The following ABCA13 variants were observed in gnomAD, a reference collection of about 807,000 sequenced individuals.
ABCA13 encodes the protein ATP-binding cassette sub-family A member 13.
A neutral mutation model predicts 478.7 loss-of-function variants in ABCA13; 476 were observed. The ratio of observed to expected loss-of-function variants is 0.99; its 90% CI spans 0.92 to 1.07. The LOEUF is 1.07. Among genes scored for constraint, ABCA13 ranks in the 50% least tolerant of loss-of-function variants. The probability of loss-of-function intolerance (pLI) is 0.00; values close to 1 mark genes in which losing one functional copy is unlikely to be tolerated. For synonymous variants in ABCA13, 2,252 were observed against 2,158.9 expected, an observed-to-expected ratio of 1.04 and a Z score of -1.20; for missense variants, 6,060 against 5,910.6, an observed-to-expected ratio of 1.03 and a Z score of -0.83.
intron 42 of ABCA13, among the ~76,000 whole-genome samples, chr7:48,446,217 G>C (rs1364792701): frequency 2.0e-5 from 3 of 151,928 alleles, no homozygotes; most frequent in Non-Finnish European, 4.4e-5. Context: ...TTACATTAAG[G>C]AGCACCCCAA....
At chr7:48,380,043 A>T (rs1008338298) in intron 35 of ABCA13, among the ~76,000 whole-genome samples, 4 of 152,214 alleles carry the variant, frequency 2.6e-5, no homozygotes, top group African/African-American at 9.6e-5. Flanking sequence ...TAATAATATA[A>T]GAGGGTTTTA....
At chr7:48,367,738 A>C (rs1811897833) in intron 31 of ABCA13, 56 bp from the exon 32 acceptor site, 1 of 1,368,344 alleles carries the variant, frequency 7.3e-7, no homozygotes, top group African/African-American at 1.4e-5. Context: ...AAATGTAAAA[A>C]ATTAGTAGAG....
intron 55 of ABCA13, among the ~76,000 whole-genome samples, chr7:48,537,717 C>T (rs1833676602): frequency 6.6e-6 from 1 of 152,036 alleles, no homozygotes; most frequent in Non-Finnish European, 1.5e-5. Context: ...GAACAGGTGA[C>T]CAAGGGTGAC....
At chr7:48,626,451 G>A (rs893889645) in intron 59 of ABCA13, among the ~76,000 whole-genome samples, 2 of 152,060 alleles carry the variant, frequency 1.3e-5, no homozygotes, top group African/African-American at 4.8e-5. Flanking sequence ...GGAATCATGC[G>A]GCATAAACTT....
intron 51 of ABCA13, among the ~76,000 whole-genome samples, chr7:48,512,747 C>G (rs1453584483): frequency 1.6e-5 from 1 of 60,806 alleles, no homozygotes; most frequent in East Asian, 5.6e-4. Flanking sequence ...TTGAATTAAA[C>G]TAAGAATTCT....
intron 3 of ABCA13, among the ~76,000 whole-genome samples, chr7:48,214,765 T>A (rs1039283153): frequency 6.6e-6 from 1 of 152,236 alleles, no homozygotes; most frequent in African/African-American, 2.4e-5. Flanking sequence ...GACCTTTCTC[T>A]GGATTAGACT....
chr7:48,327,423 A>G (rs1422591662), intron 27 of ABCA13, among the ~76,000 whole-genome samples: 1 of 152,066 alleles, frequency 6.6e-6, no homozygotes, highest in African/African-American at 2.4e-5. Context: ...ACAATTCAAG[A>G]TGAGATTTGG....
At chr7:48,226,874 C>T (rs1004047791) in intron 5 of ABCA13, among the ~76,000 whole-genome samples, 1 of 152,158 alleles carries the variant, frequency 6.6e-6, no homozygotes, top group African/African-American at 2.4e-5. Context: ...ATTTGAATTA[C>T]TCTCTTTTCT....
chr7:48,348,733 C>T (rs1808482666), intron 29 of ABCA13, among the ~76,000 whole-genome samples: 2 of 152,108 alleles, frequency 1.3e-5, no homozygotes, highest in African/African-American at 4.8e-5. Context: ...TTCATTCTTT[C>T]TGAAATATAG....
Position 48,429,043 on chromosome 7 carries a change from T to C in ABCA13, c.12565+1172T>C, listed in dbSNP as rs1439136356. On this transcript the variant is annotated intron_variant, in intron 42 of 61. Coordinates refer to ENST00000435803, the MANE Select transcript of ABCA13 (RefSeq NM_152701.5). ...ATTTTATATACATGGAATCATAGTA[T>C]GTGTGGCCCTCTGTGACTAGCTTCT... is the stretch of plus-strand genomic sequence containing the variant. Among the ~76,000 whole-genome samples, 16 of 152,242 alleles carry C rather than the reference T, an allele frequency of 1.1e-4. 1 individual carries two copies. The highest frequency in any genetic ancestry group is 2.2e-4 in the Non-Finnish European group (15 of 68,034).
intron 15 of ABCA13, among the ~76,000 whole-genome samples, chr7:48,252,402 T>C (rs143827347): frequency 0.031 from 4,738 of 152,304 alleles, 185 homozygotes; most frequent in Admixed American, 0.1. Flanking sequence ...AATTTTTCCA[T>C]TGTTCAAACA....
At chr7:48,578,597 A>C (rs1788410829) in intron 55 of ABCA13, among the ~76,000 whole-genome samples, 1 of 152,202 alleles carries the variant, frequency 6.6e-6, no homozygotes. Context: ...TGGGGTAGAA[A>C]AACTTAACAT....
intron 55 of ABCA13, among the ~76,000 whole-genome samples, chr7:48,541,592 A>T (rs1230498381): frequency 6.6e-6 from 1 of 152,022 alleles, no homozygotes; most frequent in African/African-American, 2.4e-5. Flanking sequence ...TGGAGCTTTG[A>T]ATCCAAGTTT....
intron 29 of ABCA13, among the ~76,000 whole-genome samples, chr7:48,349,476 T>C (rs1808605280): frequency 6.6e-6 from 1 of 152,186 alleles, no homozygotes; most frequent in African/African-American, 2.4e-5. Flanking sequence ...TGTCAACTGA[T>C]TTTTCTACAG....
chr7:48,368,040 A>C (rs1367519566), intron 32 of ABCA13, 132 bp downstream of exon 32: 3 of 588,452 alleles, frequency 5.1e-6, no homozygotes, highest in Non-Finnish European at 8.9e-6. Context: ...TCTGGTGTAC[A>C]AAATAGCTGA....
At position 48,312,601 on chromosome 7, in the gene ABCA13, G is replaced by A. The variant is rs951551871; in HGVS notation, c.9517-466G>A. Among the ~76,000 whole-genome samples the A allele has an allele frequency of 3.9e-5, 6 of 152,260 alleles. No homozygotes were observed. The East Asian group carries it at 1.2e-3, about 29-fold the overall frequency. On this transcript the variant is annotated intron_variant, in intron 24 of 61. Transcript: ENST00000435803. ...TCAGGAAGACTTTTAATCTCCTCAAGCCCCAGTTTTCTCATCCACAAAACG... is the reference window on the plus strand; with the variant it reads ...TCAGGAAGACTTTTAATCTCCTCAAACCCCAGTTTTCTCATCCACAAAACG...
At chr7:48,471,646 T>C in intron 45 of ABCA13, 47 bp downstream of exon 45, 1 of 1,482,806 alleles carries the variant, frequency 6.7e-7, no homozygotes. Context: ...AAAATTCAAG[T>C]GACAAAAATG....
At chr7:48,280,060 C>T (rs1796828458) in intron 18 of ABCA13, 140 bp downstream of exon 18, 2 of 862,446 alleles carry the variant, frequency 2.3e-6, no homozygotes, top group South Asian at 4.4e-5. Context: ...TTGGCTTCAA[C>T]ATAGAGCAAT....
At position 48,634,510 on chromosome 7, in the gene ABCA13, T is replaced by C. The variant is rs1246054634; in HGVS notation, c.14838-8778T>C. On this transcript the variant is annotated intron_variant, in intron 59 of 61. Transcript: ENST00000435803. ...CATCTCTCTTTTTTTCTTGGTCAAT[T>C]ATGCTAAATATTTATCACATTTGTT... Among the ~76,000 whole-genome samples, 2 of 152,196 alleles carry C rather than the reference T, an allele frequency of 1.3e-5. 1 individual carries two copies. The highest frequency in any genetic ancestry group is 4.8e-5 in the African/African-American group (2 of 41,454).
Sources: gnomAD v4.1 joint callset for allele counts (sites outside exome capture counted in the v4.1 genomes callset) on GRCh38, gnomAD v4.1.1 for gene constraint, MANE v1.5 for transcripts, NCBI Gene and HGNC (gene_info 2026-07-23, HGNC 2026-07-21) for gene names.